Variants in GNA12 observed in about 807,000 individuals in gnomAD.
GNA12 encodes the protein guanine nucleotide-binding protein subunit alpha-12.
A neutral mutation model predicts 26.0 loss-of-function variants in GNA12; 9 were observed. That is an observed-to-expected ratio of 0.35 (90% CI 0.21 to 0.60). The LOEUF (loss-of-function observed/expected upper bound fraction) is 0.60, where lower values mean the gene tolerates loss of function less well. Ranked by LOEUF, GNA12 falls within the 20% of genes least tolerant of loss-of-function variation. The pLI is 0.78. For missense variants in GNA12, 405 were observed against 525.8 expected (o/e 0.77, Z 2.25); for synonymous variants, 264 against 219.6 (o/e 1.20, Z -1.79).
intron 1 of GNA12, among the ~76,000 whole-genome samples, chr7:2,801,418 A>G (rs1372379267): frequency 6.6e-6 from 1 of 152,182 alleles, no homozygotes; most frequent in Non-Finnish European, 1.5e-5. Context: ...GACTGCACAC[A>G]CCAGGCCTTC....
At chr7:2,734,317 A>C (rs1790050060) in intron 2 of GNA12, among the ~76,000 whole-genome samples, 2 of 152,194 alleles carry the variant, frequency 1.3e-5, no homozygotes, top group African/African-American at 4.8e-5. Context: ...GCGTATTAAA[A>C]ACCAATTATA....
At chr7:2,829,187 G>A (rs774310936) in intron 1 of GNA12, among the ~76,000 whole-genome samples, 1 of 152,184 alleles carries the variant, frequency 6.6e-6, no homozygotes, top group Non-Finnish European at 1.5e-5. Context: ...GCCCTTTGCT[G>A]CTCTTGGCCC....
intron 1 of GNA12, among the ~76,000 whole-genome samples, chr7:2,804,116 C>T (rs974340904): frequency 3.3e-5 from 5 of 152,066 alleles, no homozygotes; most frequent in African/African-American, 9.7e-5. Flanking sequence ...ATCAGCAAAA[C>T]TTGAGAACAC....
intron 2 of GNA12, among the ~76,000 whole-genome samples, chr7:2,791,106 T>A (rs554290404): frequency 4.6e-5 from 7 of 152,374 alleles, no homozygotes; most frequent in African/African-American, 1.7e-4. Flanking sequence ...CAAGCTATAT[T>A]TAAAAATGCT....
At chr7:2,842,017 AAGGAAGGG>A (rs1388870428) in intron 1 of GNA12, among the ~76,000 whole-genome samples, 3 of 115,994 alleles carry the variant, frequency 2.6e-5, no homozygotes, top group Middle Eastern at 5.3e-3. Flanking sequence ...GGGAGGGAGA[AAGGAAGGG>A]AGGAAGGAAG....
intron 2 of GNA12, among the ~76,000 whole-genome samples, chr7:2,786,027 A>T (rs1342671275): frequency 6.6e-6 from 1 of 152,260 alleles, no homozygotes; most frequent in Non-Finnish European, 1.5e-5. Flanking sequence ...AGATCGCACC[A>T]CTGCACTCCA....
intron 1 of GNA12, among the ~76,000 whole-genome samples, chr7:2,831,565 G>A (rs577023658): frequency 1.3e-5 from 2 of 151,864 alleles, no homozygotes; most frequent in East Asian, 1.9e-4. Flanking sequence ...CACCACGCCC[G>A]GTTATTTTTT....
chr7:2,831,622 C>T (rs1778662042), intron 1 of GNA12, among the ~76,000 whole-genome samples: 1 of 151,882 alleles, frequency 6.6e-6, no homozygotes, highest in African/African-American at 2.4e-5. Context: ...CCAGGATGGT[C>T]TCGATCTCCT....
intron 2 of GNA12, 22 bp from the exon 3 acceptor site, chr7:2,733,523 C>G (rs1209077817): frequency 2.2e-5 from 35 of 1,603,550 alleles, no homozygotes; most frequent in Non-Finnish European, 2.9e-5. Flanking sequence ...GAAGAATATT[C>G]ACAGCTCAGT....
At chr7:2,745,046 G>T (rs1790698938) in intron 2 of GNA12, among the ~76,000 whole-genome samples, 1 of 152,236 alleles carries the variant, frequency 6.6e-6, no homozygotes, top group Non-Finnish European at 1.5e-5. Context: ...CATCTGATTG[G>T]TGTACCTGAA....
At chr7:2,779,719 C>T (rs908986133) in intron 2 of GNA12, among the ~76,000 whole-genome samples, 10 of 151,960 alleles carry the variant, frequency 6.6e-5, no homozygotes, top group Non-Finnish European at 1.3e-4. Context: ...ATGCTGCAGC[C>T]TCCTGAGTGG....
chr7:2,823,943 CATT>C (rs765554953), intron 1 of GNA12, among the ~76,000 whole-genome samples: 11 of 152,164 alleles, frequency 7.2e-5, no homozygotes, highest in Non-Finnish European at 1.3e-4. Context: ...GAGAAACGCT[CATT>C]ACATGTTAGT....
intron 2 of GNA12, among the ~76,000 whole-genome samples, chr7:2,755,125 G>A (rs140553404): frequency 2.3e-4 from 35 of 151,932 alleles, no homozygotes; most frequent in African/African-American, 8.0e-4. Context: ...CAGTGACCTC[G>A]TGTCTCTCCC....
intron 2 of GNA12, among the ~76,000 whole-genome samples, chr7:2,738,241 C>A (rs903529524): frequency 2.0e-5 from 3 of 151,816 alleles, no homozygotes; most frequent in Non-Finnish European, 1.5e-5. Context: ...ATGGTGAAAC[C>A]CTGTCTGTAC....
At position 2,843,883 on chromosome 7, in the gene GNA12, G is replaced by T; in HGVS notation, c.279C>A (p.Phe93Leu). The T allele has an allele frequency of 1.3e-6, 2 of 1,564,786 alleles. No homozygotes were observed. Among genetic ancestry groups the T allele is most frequent in the Non-Finnish European group, 1.7e-6 (2 of 1,156,428 alleles). The change falls in exon 1 of 4, where the codon TTC (phenylalanine) becomes TTA (leucine). Residue 93 changes from phenylalanine (F) to leucine (L), a missense_variant. Coordinates refer to ENST00000275364, the MANE Select transcript of GNA12 (RefSeq NM_007353.3). ...GGATGTTGTCGAAGATGGTGTCGCG[G>T]AACTCCAGCAGCGCCTTCTGGTCGA... is the stretch of plus-strand genomic sequence containing the variant. ...REFDQKALLE[F>L]RDTIFDNILK...
intron 1 of GNA12, among the ~76,000 whole-genome samples, chr7:2,831,185 C>T (rs1470124519): frequency 3.3e-5 from 5 of 151,820 alleles, no homozygotes; most frequent in South Asian, 2.1e-4. Context: ...CATTGTGCTA[C>T]GGTCATACCA....
At chr7:2,802,077 G>GA (rs984941705) in intron 1 of GNA12, among the ~76,000 whole-genome samples, 1 of 151,896 alleles carries the variant, frequency 6.6e-6, no homozygotes, top group African/African-American at 2.4e-5. Flanking sequence ...CAAAAGCCAA[G>GA]AAAATCCTAA....
At chr7:2,783,798 C>T (rs959224095) in intron 2 of GNA12, among the ~76,000 whole-genome samples, 1 of 151,980 alleles carries the variant, frequency 6.6e-6, no homozygotes, top group Admixed American at 6.6e-5. Context: ...GATTCTCTTG[C>T]CTCAGCCTCC....
intron 1 of GNA12, among the ~76,000 whole-genome samples, chr7:2,833,535 A>G (rs559951811): frequency 6.9e-4 from 105 of 152,324 alleles, no homozygotes; most frequent in African/African-American, 2.4e-3. Context: ...CTCGAAAGCC[A>G]GGGGACAAGA....
Sources: gnomAD v4.1 joint callset for allele counts (sites outside exome capture counted in the v4.1 genomes callset) on GRCh38, gnomAD v4.1.1 for gene constraint, MANE v1.5 for transcripts, NCBI Gene and HGNC (gene_info 2026-07-23, HGNC 2026-07-21) for gene names.